Variants in ZPBP observed in about 807,000 individuals in gnomAD.
ZPBP encodes zona pellucida binding protein.
A neutral mutation model predicts 44.8 loss-of-function variants in ZPBP; 26 were observed. That is an observed-to-expected ratio of 0.58 (90% confidence interval 0.43 to 0.81). The LOEUF (loss-of-function observed/expected upper bound fraction) is 0.81. Ranked by LOEUF, ZPBP falls within the 30% of genes least tolerant of loss-of-function variation. The pLI is 0.00. For synonymous variants in ZPBP, 174 were observed against 153.2 expected, an observed-to-expected ratio of 1.14 and a Z score of -1.00; for missense variants, 409 against 434.0, an observed-to-expected ratio of 0.94 and a Z score of 0.51.
intron 1 of ZPBP, among the ~76,000 whole-genome samples, chr7:49,904,113 T>G (rs1478904237): frequency 2.0e-5 from 3 of 152,230 alleles, no homozygotes; most frequent in African/African-American, 4.8e-5. Flanking sequence ...GCCACCATCT[T>G]GAACATGTCT....
At chr7:49,940,278 A>T (rs1015480001) in intron 7 of ZPBP, among the ~76,000 whole-genome samples, 2 of 152,150 alleles carry the variant, frequency 1.3e-5, no homozygotes, top group Non-Finnish European at 1.5e-5. Context: ...CAAGGAATAA[A>T]ATTCGGAAAA....
At chr7:50,089,441 T>C (rs746478015) in intron 2 of ZPBP, among the ~76,000 whole-genome samples, 188 bp downstream of exon 2, 1 of 152,080 alleles carries the variant, frequency 6.6e-6, no homozygotes, top group Non-Finnish European at 1.5e-5. Context: ...ACTTATGTAG[T>C]TATAGCATAT....
At chr7:49,864,915 T>C (rs1381183420) in intron 2 of ZPBP, among the ~76,000 whole-genome samples, 1 of 152,192 alleles carries the variant, frequency 6.6e-6, no homozygotes, top group Admixed American at 6.5e-5. Flanking sequence ...CCTTTGACTG[T>C]TTTCCACGTT....
intron 4 of ZPBP, among the ~76,000 whole-genome samples, chr7:50,037,838 C>A (rs1799889628): frequency 6.6e-6 from 1 of 152,178 alleles, no homozygotes. Context: ...ACACAGGGTT[C>A]TTTCCCCACC....
intron 2 of ZPBP, among the ~76,000 whole-genome samples, chr7:49,897,190 C>T (rs1000142679): frequency 8.6e-5 from 13 of 152,040 alleles, no homozygotes; most frequent in South Asian, 8.3e-4. Context: ...CCACCGCGCC[C>T]GGCCGGATTG....
chr7:49,875,421 A>G (rs1454902463), intron 2 of ZPBP, among the ~76,000 whole-genome samples: 2 of 145,348 alleles, frequency 1.4e-5, no homozygotes, highest in Non-Finnish European at 3.0e-5. Context: ...CATGTTACAT[A>G]TATTTTTTAA....
At chr7:49,896,994 C>T (rs890146529) in intron 2 of ZPBP, among the ~76,000 whole-genome samples, 4 of 150,436 alleles carry the variant, frequency 2.7e-5, no homozygotes, top group Non-Finnish European at 5.9e-5. Context: ...TTCCCGGGTT[C>T]ACGCCATTCT....
chr7:49,850,644 T>A (rs1015359287), intron 2 of ZPBP: 2 of 152,138 alleles, frequency 1.3e-5, no homozygotes, highest in Non-Finnish European at 2.9e-5. Flanking sequence ...GGATCAACTG[T>A]TTGTGATTAG....
intron 7 of ZPBP, among the ~76,000 whole-genome samples, chr7:49,971,542 C>T (rs1002652441): frequency 6.6e-6 from 1 of 152,042 alleles, no homozygotes; most frequent in East Asian, 1.9e-4. Flanking sequence ...AATATATACT[C>T]TATAAAAAAT....
intron 7 of ZPBP, among the ~76,000 whole-genome samples, chr7:49,952,711 T>TAG (rs1795400142): frequency 6.6e-6 from 1 of 151,876 alleles, no homozygotes; most frequent in East Asian, 1.9e-4. Context: ...GAAACTATCT[T>TAG]TCGAAACTAA....
chr7:49,967,949 A>G (rs920426965), intron 7 of ZPBP, among the ~76,000 whole-genome samples: 32 of 152,304 alleles, frequency 2.1e-4, no homozygotes, highest in Middle Eastern at 3.4e-3. Context: ...GTCTCCCTGA[A>G]AAATGTATGT....
At chr7:50,075,591 A>G (rs1213316435) in intron 3 of ZPBP, among the ~76,000 whole-genome samples, 2 of 152,022 alleles carry the variant, frequency 1.3e-5, no homozygotes, top group Non-Finnish European at 2.9e-5. Context: ...ATACTGCAGA[A>G]ATTCAAAGGA....
intron 7 of ZPBP, among the ~76,000 whole-genome samples, chr7:49,960,826 T>C (rs1795837756): frequency 6.6e-6 from 1 of 152,168 alleles, no homozygotes; most frequent in African/African-American, 2.4e-5. Context: ...GGCTAAGATG[T>C]AAAAGACTGA....
chr7:49,908,491 T>C (rs73111360), intron 1 of ZPBP, among the ~76,000 whole-genome samples: 2,432 of 152,270 alleles, frequency 0.016, 29 homozygotes, highest in Non-Finnish European at 0.024. Context: ...AAGCCACACA[T>C]AACACAAATC....
intron 4 of ZPBP, among the ~76,000 whole-genome samples, chr7:50,050,066 T>C (rs1018391241): frequency 3.9e-5 from 6 of 151,906 alleles, no homozygotes; most frequent in African/African-American, 1.4e-4. Context: ...TAGTATACAC[T>C]TAACAAAACA....
chr7:50,071,271 A>C (rs1801819326), intron 3 of ZPBP, among the ~76,000 whole-genome samples: 1 of 152,182 alleles, frequency 6.6e-6, no homozygotes, highest in Non-Finnish European at 1.5e-5. Context: ...AAGGAAAAGC[A>C]GACCAAATTC....
chr7:50,080,967 CAA>C (rs1011776989), intron 3 of ZPBP, among the ~76,000 whole-genome samples: 1 of 151,600 alleles, frequency 6.6e-6, no homozygotes, highest in African/African-American at 2.4e-5. Flanking sequence ...CAGACTGACC[CAA>C]AGAGGAGATT....
intron 6 of ZPBP, among the ~76,000 whole-genome samples, chr7:50,000,631 A>G (rs909787849): frequency 6.6e-6 from 1 of 152,200 alleles, no homozygotes; most frequent in African/African-American, 2.4e-5. Flanking sequence ...TACAAAGCAT[A>G]CTGCATTAAC....
intron 1 of ZPBP, chr7:49,913,609 C>T (rs1211196841): frequency 6.6e-6 from 1 of 152,056 alleles, no homozygotes; most frequent in African/African-American, 2.4e-5. Flanking sequence ...GCATTGACAA[C>T]AAGGGAATAA....
Sources: gnomAD v4.1 joint callset for allele counts (sites outside exome capture counted in the v4.1 genomes callset) on GRCh38, gnomAD v4.1.1 for gene constraint, MANE v1.5 for transcripts, NCBI Gene and HGNC (gene_info 2026-07-23, HGNC 2026-07-21) for gene names.